NRXN3: variants seen among roughly 807,000 people sequenced by gnomAD.
NRXN3 encodes neurexin 3.
Under a neutral mutation model 137.6 loss-of-function variants are expected in NRXN3, and 32 were observed. The observed-to-expected ratio is 0.23, with a 90% CI of 0.18 to 0.31. NRXN3 has a LOEUF of 0.31. Ranked by LOEUF, NRXN3 falls within the 10% of genes least tolerant of loss-of-function variation. The pLI is 1.00. For missense variants in NRXN3, 1,574 were observed against 2,062.5 expected (o/e 0.76, Z 4.59); for synonymous variants, 798 against 784.5 (o/e 1.02, Z -0.29).
At chr14:78,945,538 G>A (rs1221223663) in intron 10 of NRXN3, among the ~76,000 whole-genome samples, 2 of 152,158 alleles carry the variant, frequency 1.3e-5, no homozygotes, top group African/African-American at 4.8e-5. Context: ...GCTGTATAGT[G>A]TAGTAGTTAA....
intron 1 of NRXN3, among the ~76,000 whole-genome samples, chr14:78,209,533 T>C (rs572859913): frequency 2.8e-4 from 42 of 152,222 alleles, no homozygotes; most frequent in African/African-American, 9.4e-4. Context: ...AAACTTACAA[T>C]CATGGCAGAA....
intron 2 of NRXN3, among the ~76,000 whole-genome samples, chr14:78,261,938 G>C (rs1317160926): frequency 6.6e-6 from 1 of 152,190 alleles, no homozygotes; most frequent in Admixed American, 6.5e-5. Flanking sequence ...TGTCTGCAAT[G>C]AACTTACAAA....
At chr14:78,646,905 G>A (rs1033005998) in intron 5 of NRXN3, among the ~76,000 whole-genome samples, 3 of 152,208 alleles carry the variant, frequency 2.0e-5, no homozygotes, top group Non-Finnish European at 2.9e-5. Flanking sequence ...ATAAGGGCTT[G>A]TTACATGAGA....
intron 16 of NRXN3, among the ~76,000 whole-genome samples, chr14:79,555,539 T>C (rs1339798055): frequency 1.3e-5 from 2 of 152,096 alleles, no homozygotes; most frequent in African/African-American, 4.8e-5. Context: ...TCTAGTATAA[T>C]AGGAATATAT....
At chr14:79,754,724 C>G (rs1177075182) in intron 19 of NRXN3, among the ~76,000 whole-genome samples, 1 of 151,574 alleles carries the variant, frequency 6.6e-6, no homozygotes, top group Non-Finnish European at 1.5e-5. Context: ...GTGTGCCCAC[C>G]CAAATCTCAT....
At chr14:78,837,202 ATC>A (rs2098999547) in intron 10 of NRXN3, among the ~76,000 whole-genome samples, 1 of 152,228 alleles carries the variant, frequency 6.6e-6, no homozygotes, top group African/African-American at 2.4e-5. Flanking sequence ...CAGCATTACT[ATC>A]CTTAAATCTA....
Position 79,842,383 on chromosome 14 carries a change from C to A in NRXN3, c.4094-18959C>A, listed in dbSNP as rs74446619. On this transcript the variant is annotated intron_variant, in intron 20 of 20. Coordinates refer to ENST00000335750, the MANE Select transcript of NRXN3 (RefSeq NM_001330195.2). ...GACCTAAATAACGAGAAAGACCTAGCCAAGCACTGAGCAAGGCAAGGGATG... is the reference window on the plus strand; with the variant it reads ...GACCTAAATAACGAGAAAGACCTAGACAAGCACTGAGCAAGGCAAGGGATG... Among the ~76,000 whole-genome samples, 328 of 152,206 alleles carry A rather than the reference C, an allele frequency of 2.2e-3. 11 individuals carry two copies. In the East Asian group the frequency reaches 0.043, roughly 20 times the overall value.
chr14:79,465,157 A>G (rs2096404949), intron 15 of NRXN3, among the ~76,000 whole-genome samples: 1 of 152,188 alleles, frequency 6.6e-6, no homozygotes, highest in South Asian at 2.1e-4. Context: ...GAATAAAGAG[A>G]GTGGTGATGA....
intron 16 of NRXN3, among the ~76,000 whole-genome samples, chr14:79,511,639 C>A (rs1029996274): frequency 9.9e-5 from 15 of 152,134 alleles, no homozygotes; most frequent in African/African-American, 3.6e-4. Flanking sequence ...CTTAGTCAAT[C>A]TTTGCAAACT....
chr14:79,845,317 A>C (rs2099364804), intron 20 of NRXN3, among the ~76,000 whole-genome samples: 2 of 152,232 alleles, frequency 1.3e-5, no homozygotes, highest in Non-Finnish European at 2.9e-5. Flanking sequence ...TTTCCTTTGC[A>C]TTCACAACTC....
At chr14:78,412,175 C>G (rs1444377731) in intron 4 of NRXN3, among the ~76,000 whole-genome samples, 1 of 152,178 alleles carries the variant, frequency 6.6e-6, no homozygotes, top group Non-Finnish European at 1.5e-5. Flanking sequence ...TCCTGACTCA[C>G]TTGCCATTGG....
chr14:78,348,045 T>C (rs993541105), intron 4 of NRXN3, among the ~76,000 whole-genome samples: 2 of 152,190 alleles, frequency 1.3e-5, no homozygotes, highest in African/African-American at 4.8e-5. Context: ...ACTGATGTTC[T>C]GAGAGATTAA....
chr14:78,314,243 G>A (rs2078294901), intron 4 of NRXN3, among the ~76,000 whole-genome samples: 1 of 152,190 alleles, frequency 6.6e-6, no homozygotes, highest in Admixed American at 6.5e-5. Context: ...AAATCCAGAA[G>A]AGTGGGTTGA....
intron 4 of NRXN3, among the ~76,000 whole-genome samples, chr14:78,338,688 A>G (rs1191151541): frequency 1.3e-5 from 2 of 152,242 alleles, no homozygotes; most frequent in Non-Finnish European, 2.9e-5. Context: ...GCTTATAACA[A>G]CAATTTATTT....
intron 19 of NRXN3, among the ~76,000 whole-genome samples, chr14:79,704,545 C>T (rs771629267): frequency 1.5e-4 from 23 of 152,074 alleles, no homozygotes; most frequent in African/African-American, 4.6e-4. Flanking sequence ...ACAGAGCCTC[C>T]GGGGGAAGTT....
intron 5 of NRXN3, 109 bp from the exon 6 acceptor site, chr14:78,651,056 C>A: frequency 9.6e-7 from 1 of 1,043,290 alleles, no homozygotes; most frequent in Non-Finnish European, 1.4e-6. Context: ...AAGTATATCT[C>A]ATGAAAATCT....
At chr14:78,886,271 A>G (rs988045794) in intron 10 of NRXN3, among the ~76,000 whole-genome samples, 2 of 152,112 alleles carry the variant, frequency 1.3e-5, no homozygotes, top group Admixed American at 6.6e-5. Context: ...TTCCTAGTAA[A>G]GAAGCAATCA....
At chr14:78,300,730 C>T in intron 4 of NRXN3, 1 of 1,417,692 alleles carries the variant, frequency 7.1e-7, no homozygotes, top group Middle Eastern at 1.7e-4. Flanking sequence ...AACTATCAAT[C>T]TGCCTTTTGA....
At chr14:79,240,859 G>C (rs61995411) in intron 15 of NRXN3, among the ~76,000 whole-genome samples, 21,376 of 152,148 alleles carry the variant, frequency 0.14, 1,598 homozygotes, top group East Asian at 0.19. Flanking sequence ...TACTTTCCCT[G>C]ACAGGCATTT....
Sources: allele counts gnomAD v4.1 joint callset (sites outside exome capture counted in the v4.1 genomes callset), GRCh38; gene constraint gnomAD v4.1.1; transcripts MANE v1.5; gene names NCBI Gene and HGNC (gene_info 2026-07-23, HGNC 2026-07-21).